The following MAP3K5 variants were observed in gnomAD, a reference collection of about 807,000 sequenced individuals.
The protein encoded by MAP3K5 is ASK-1.
In MAP3K5, 56 loss-of-function variants were observed where a neutral mutation model predicts 158.7. The observed-to-expected ratio is 0.35, with a 90% CI of 0.28 to 0.44. The LOEUF (loss-of-function observed/expected upper bound fraction) is 0.44, where lower values mean the gene tolerates loss of function less well. MAP3K5 is among the 20% of genes least tolerant of loss of function. The pLI is 1.00. For missense variants in MAP3K5, 1,294 were observed against 1,674.8 expected, an observed-to-expected ratio of 0.77 and a Z score of 3.97; for synonymous variants, 579 against 601.7, an observed-to-expected ratio of 0.96 and a Z score of 0.55.
chr6:136,695,066 G>C (rs907270542), intron 6 of MAP3K5, among the ~76,000 whole-genome samples: 5 of 151,968 alleles, frequency 3.3e-5, no homozygotes, highest in Admixed American at 6.6e-5. Flanking sequence ...TGGAAGGGGG[G>C]CTGCTAATGG....
At chr6:136,611,009 G>T (rs1274576284) in intron 18 of MAP3K5, among the ~76,000 whole-genome samples, 4 of 149,796 alleles carry the variant, frequency 2.7e-5, no homozygotes, top group African/African-American at 9.8e-5. Flanking sequence ...TCAGGAGGCT[G>T]AGGTGGGAGG....
At chr6:136,581,832 C>G (rs1410887706) in intron 24 of MAP3K5, among the ~76,000 whole-genome samples, 1 of 152,206 alleles carries the variant, frequency 6.6e-6, no homozygotes, top group Non-Finnish European at 1.5e-5. Context: ...CCTGTAATCC[C>G]AGCACTTTGG....
In MAP3K5 at chr6:136,686,116, G is replaced by A. The variant is rs1194347199; in HGVS notation, c.1253+8024C>T. On this transcript the variant is annotated intron_variant, in intron 7 of 29. Transcript: ENST00000359015. ...GTTAAATAGGACAAATGGATATAAT[G>A]ACAATAATGGCAGGTTATGGATAGG... Among the ~76,000 whole-genome samples, 4 of 152,170 alleles carry A rather than the reference G, an allele frequency of 2.6e-5. No individual in the cohort carries two copies. The East Asian group carries it at 7.7e-4, about 29-fold the overall frequency.
intron 25 of MAP3K5, among the ~76,000 whole-genome samples, chr6:136,570,042 T>C (rs1774295174): frequency 6.6e-6 from 1 of 152,088 alleles, no homozygotes; most frequent in Admixed American, 6.5e-5. Context: ...TTGCCTAGAT[T>C]TCCTCGTTTT....
At chr6:136,732,864 A>C (rs188264582) in intron 1 of MAP3K5, among the ~76,000 whole-genome samples, 17 of 152,328 alleles carry the variant, frequency 1.1e-4, no homozygotes, top group Non-Finnish European at 1.8e-4. Context: ...GGGAAGATCT[A>C]GACTAGATTT....
chr6:136,678,121 T>C (rs1296631791), intron 7 of MAP3K5, among the ~76,000 whole-genome samples: 1 of 152,238 alleles, frequency 6.6e-6, no homozygotes, highest in Admixed American at 6.5e-5. Flanking sequence ...CTAACAATTT[T>C]TGTAGTTCTT....
intron 7 of MAP3K5, among the ~76,000 whole-genome samples, chr6:136,681,837 T>C (rs9389422): frequency 0.13 from 19,178 of 151,990 alleles, 2,068 homozygotes; most frequent in African/African-American, 0.28. Flanking sequence ...GAGAATGGCG[T>C]GAACCTGGGA....
At chr6:136,629,783 ATTTATTTATTTAT>A in intron 14 of MAP3K5, among the ~76,000 whole-genome samples, 1 of 25,502 alleles carries the variant, frequency 3.9e-5, no homozygotes. Context: ...TTATTTATTT[ATTTATTTATTTAT>A]TTATTTATTT....
chr6:136,695,301 C>A (rs1056956040), intron 6 of MAP3K5, among the ~76,000 whole-genome samples: 9 of 151,918 alleles, frequency 5.9e-5, no homozygotes, highest in African/African-American at 1.5e-4. Context: ...CCACACCTGG[C>A]TAATTTTTTT....
intron 1 of MAP3K5, among the ~76,000 whole-genome samples, chr6:136,776,105 A>G (rs944271708): frequency 2.0e-5 from 3 of 152,272 alleles, no homozygotes; most frequent in Admixed American, 6.5e-5. Context: ...TATTTCACCC[A>G]GCAGTGAAAA....
chr6:136,569,286 C>G (rs78990223), intron 25 of MAP3K5, among the ~76,000 whole-genome samples: 6,833 of 152,136 alleles, frequency 0.045, 514 homozygotes, highest in African/African-American at 0.15. Flanking sequence ...GTAGAGAATC[C>G]CCTTCCCTTT....
chr6:136,655,292 C>G (rs937866376), intron 10 of MAP3K5, among the ~76,000 whole-genome samples: 7 of 152,200 alleles, frequency 4.6e-5, no homozygotes, highest in African/African-American at 1.4e-4. Flanking sequence ...AAGCTGCCAG[C>G]TCATTCTAAG....
At chr6:136,584,737 G>A (rs1047259706) in intron 23 of MAP3K5, among the ~76,000 whole-genome samples, 1 of 152,144 alleles carries the variant, frequency 6.6e-6, no homozygotes, top group Non-Finnish European at 1.5e-5. Flanking sequence ...ACACCAAGCA[G>A]GTCAACAGCA....
chr6:136,692,471 G>C (rs1294800366), intron 7 of MAP3K5, among the ~76,000 whole-genome samples: 3 of 152,136 alleles, frequency 2.0e-5, no homozygotes, highest in Non-Finnish European at 2.9e-5. Flanking sequence ...AATGTCTTGA[G>C]GGAAAAGCCA....
chr6:136,667,326 G>C (rs943032785), intron 8 of MAP3K5, among the ~76,000 whole-genome samples: 1 of 152,208 alleles, frequency 6.6e-6, no homozygotes, highest in African/African-American at 2.4e-5. Flanking sequence ...CTAGTATAGA[G>C]TTTTTAATTT....
At chr6:136,765,679 ATTTTTTTTTTTTTTTTT>A (rs780589836) in intron 1 of MAP3K5, among the ~76,000 whole-genome samples, 1 of 120,020 alleles carries the variant, frequency 8.3e-6, no homozygotes, top group African/African-American at 3.2e-5. Flanking sequence ...TGCCTGGCTA[ATTTTTTTTTTTTTTTTT>A]TTTTTGTATT....
chr6:136,577,735 G>C (rs1396078114), intron 25 of MAP3K5, among the ~76,000 whole-genome samples: 1 of 152,114 alleles, frequency 6.6e-6, no homozygotes, highest in African/African-American at 2.4e-5. Context: ...TGCAAAGATA[G>C]TACAAAGAAT....
chr6:136,610,906 G>T (rs1355582910), intron 18 of MAP3K5, among the ~76,000 whole-genome samples: 2 of 151,740 alleles, frequency 1.3e-5, no homozygotes, highest in Non-Finnish European at 2.9e-5. Context: ...AGGAGTTTGA[G>T]ACCAGCCTGG....
At chr6:136,745,801 T>C (rs540298634) in intron 1 of MAP3K5, among the ~76,000 whole-genome samples, 102 of 152,346 alleles carry the variant, frequency 6.7e-4, no homozygotes, top group Non-Finnish European at 1.2e-3. Context: ...AATAAAGGCA[T>C]AGATAATGTC....
Sources: allele counts gnomAD v4.1 joint callset (sites outside exome capture counted in the v4.1 genomes callset), GRCh38; gene constraint gnomAD v4.1.1; transcripts MANE v1.5; gene names NCBI Gene and HGNC (gene_info 2026-07-23, HGNC 2026-07-21).